EDC4: variants seen among roughly 807,000 people sequenced by gnomAD.
EDC4 encodes enhancer of mRNA-decapping protein 4.
EDC4 carries 64 observed loss-of-function variants against 155.8 expected under a neutral mutation model. The observed-to-expected ratio is 0.41, with a 90% CI of 0.34 to 0.51. EDC4 has a LOEUF of 0.51. Ranked by LOEUF, EDC4 falls within the 20% of genes least tolerant of loss-of-function variation. EDC4 has a pLI of 0.19. For missense variants in EDC4, 1,303 were observed against 1,812.5 expected (o/e 0.72, Z 5.10); for synonymous variants, 684 against 716.8 (o/e 0.95, Z 0.73).
Position 67,881,039 on chromosome 16 carries a change from T to TA in EDC4, c.2532-36dup, listed in dbSNP as rs752463062. 3 of 1,613,902 alleles carry TA rather than the reference T, an allele frequency of 1.9e-6. No homozygotes were observed. The highest frequency in any genetic ancestry group is 2.5e-6 in the Non-Finnish European group (3 of 1,179,986). ...GTGTGCTAGCAGGAGGGGCTTCAGA[T>TA]AGATTCATCCATGGCTAAGTTGGCC... On this transcript the variant is annotated intron_variant, in intron 18 of 28. Transcript: ENST00000358933. The surrounding 1 kb of genome is among the most constrained non-coding windows in gnomAD (Gnocchi z 5.4).
At chr16:67,874,869 G>GC (rs2058035533) in intron 1 of EDC4, among the ~76,000 whole-genome samples, 3 of 152,084 alleles carry the variant, frequency 2.0e-5, no homozygotes, top group Non-Finnish European at 4.4e-5. Context: ...ATTGCTTGAG[G>GC]CCAGGAGTTC....
Position 67,878,288 on chromosome 16 carries a change from C to T in EDC4, c.1004+13C>T. On this transcript the variant is annotated intron_variant, in intron 8 of 28. Coordinates refer to ENST00000358933, the MANE Select transcript of EDC4 (RefSeq NM_014329.5). The surrounding 1 kb of genome is among the most constrained non-coding windows in gnomAD (Gnocchi z 5.2). ...AAGATGAGCCAAGGTAAGGCAGGGC[C>T]TCAGGGACCAGGATCCTCCCGAGGT... 1 of 1,614,180 alleles carries T rather than the reference C, an allele frequency of 6.2e-7. No homozygotes were observed. The highest frequency in any genetic ancestry group is 1.1e-5 in the South Asian group (1 of 91,086).
In EDC4 at chr16:67,879,513, G is replaced by A. The variant is rs760942338; in HGVS notation, c.1633+10G>A. The A allele has an allele frequency of 4.3e-6, 7 of 1,614,012 alleles. No homozygotes were observed. The highest frequency in any genetic ancestry group is 5.1e-6 in the Non-Finnish European group (6 of 1,180,012). On this transcript the variant is annotated intron_variant, in intron 14 of 28. Coordinates refer to ENST00000358933, the MANE Select transcript of EDC4 (RefSeq NM_014329.5). This position sits in a 1 kb window ranked among gnomAD's most constrained non-coding sequence, Gnocchi z 6.0. ...GCCCACGAGGACTTCAGTGAGTAGG[G>A]CGTGAGAGGGAGGTAGGGTAAGTTG...
chr16:67,879,002 G>T lies in EDC4; in HGVS notation c.1333G>T (p.Ala445Ser). The T allele has an allele frequency of 1.2e-6, 2 of 1,612,064 alleles. No homozygotes were observed. The highest frequency in any genetic ancestry group is 1.7e-6 in the Non-Finnish European group (2 of 1,179,730). The change falls in exon 12 of 29, where the codon GCC becomes TCC. Residue 445 changes from alanine to serine, a missense_variant. Ala to Ser is a moderately conservative substitution (Grantham distance 99). Around this residue, in one of 5 missense-constraint regions of EDC4, gnomAD observed 235 missense variants for 367.7 expected, o/e 0.64. Transcript: ENST00000358933. The surrounding 1 kb of genome is among the most constrained non-coding windows in gnomAD (Gnocchi z 6.0). Reference sequence around the variant, plus strand: ...GCTGCAAAACCAGGAGGAGGGCCACGCCTGCTTCAGCTCCATCTCGGAGTT... The same window carrying T: ...GCTGCAAAACCAGGAGGAGGGCCACTCCTGCTTCAGCTCCATCTCGGAGTT... Reference protein sequence around the residue: ...ELLQNQEEGHACFSSISEFLL... With the variant: ...ELLQNQEEGHSCFSSISEFLL...
rs1243221385 is a variant in EDC4, at chr16:67,884,405, G to C, written c.*257G>C. 5.5e-6 allele frequency: 3 copies of C among 546,962 alleles called. No individual in the cohort carries two copies. Among genetic ancestry groups the C allele is most frequent in the Non-Finnish European group, 9.6e-6 (3 of 311,940 alleles). The allele number at this position is 546,962 out of a possible 1,614,324, so 33.9% of individuals were successfully genotyped here. On this transcript the variant is annotated 3_prime_UTR_variant, in exon 29 of 29. Coordinates refer to ENST00000358933, the MANE Select transcript of EDC4 (RefSeq NM_014329.5). The surrounding 1 kb of genome is among the most constrained non-coding windows in gnomAD (Gnocchi z 4.1). ...TGACCCTGAGATCGTGACACCACTT[G>C]AGTGGAATTTTCCATGTTCCTTTTT...
In EDC4 at chr16:67,876,025, T is replaced by G. The variant is rs752568415; in HGVS notation, c.163T>G (p.Ser55Ala). 1 of 1,614,176 alleles carries G rather than the reference T, an allele frequency of 6.2e-7. No individual in the cohort carries two copies. Among genetic ancestry groups the G allele is most frequent in the South Asian group, 1.1e-5 (1 of 91,082 alleles). The change falls in exon 2 of 29, where the codon TCA (serine) becomes GCA (alanine). Residue 55 changes from serine (S) to alanine (A), a missense_variant. Ser to Ala is a moderately conservative substitution (Grantham distance 99). Transcript: ENST00000358933. The surrounding 1 kb of genome is among the most constrained non-coding windows in gnomAD (Gnocchi z 5.8). ...NGLLVPDPLC[S>A]GDSTSANKTG... ...ACTTCTGGTCCCAGACCCGCTCTGC[T>G]CAGGTGATAGTACCTCAGCAAACAA...
rs1277361471 is a variant in EDC4 at position 67,878,152 on chromosome 16, T to G, written c.895-14T>G. The G allele has an allele frequency of 1.4e-5, 23 of 1,614,050 alleles. No individual in the cohort carries two copies. The highest frequency in any genetic ancestry group is 1.8e-5 in the Non-Finnish European group (21 of 1,180,038). On this transcript the variant is annotated splice_polypyrimidine_tract_variant and intron_variant, in intron 7 of 28. Transcript: ENST00000358933. This position sits in a 1 kb window ranked among gnomAD's most constrained non-coding sequence, Gnocchi z 5.2. ...CTCACCTCTAGTCAGCAAAGCTTTTTGGGTTCTTTCTAGTGCCTCAGTGAA... is the reference window on the plus strand; with the variant it reads ...CTCACCTCTAGTCAGCAAAGCTTTTGGGGTTCTTTCTAGTGCCTCAGTGAA...
At chr16:67,875,236 A>T (rs1250979391) in intron 1 of EDC4, among the ~76,000 whole-genome samples, 3 of 152,174 alleles carry the variant, frequency 2.0e-5, no homozygotes, top group Admixed American at 6.5e-5. Flanking sequence ...CTTTTGGTCC[A>T]GCTCCTTTAT....
In EDC4 at chr16:67,878,440, CTGAG is replaced by C; in HGVS notation, c.1088+8_1088+11del. 4.3e-6 allele frequency: 7 copies of C among 1,614,176 alleles called. No individual in the cohort carries two copies. Among genetic ancestry groups the C allele is most frequent in the Non-Finnish European group, 5.9e-6 (7 of 1,180,030 alleles). On this transcript the variant is annotated splice_donor_variant and coding_sequence_variant, in exon 9 of 29. Coordinates refer to ENST00000358933, the MANE Select transcript of EDC4 (RefSeq NM_014329.5). LOFTEE classifies it high-confidence loss of function. This position sits in a 1 kb window ranked among gnomAD's most constrained non-coding sequence, Gnocchi z 5.2. The stretch of plus-strand genomic sequence containing the variant: ...TGTGACAACCATAAGAAACAAGACC[CTGAG>C]TGAGTGAGTGGGCAGCCTAGTGGGT...
At position 67,883,603 on chromosome 16, in the gene EDC4, T is replaced by C. The variant is rs775696548; in HGVS notation, c.3885T>C (p.Tyr1295=). ...LTAADLNLVL[Y]VCETVDPAQV... The stretch of plus-strand genomic sequence containing the variant: ...CTGCTGACCTGAACCTGGTGCTGTA[T>C]GTGTGTGAAACTGTGGACCCAGCCC... The change falls in exon 28 of 29, where the codon TAT becomes TAC. Residue 1295 remains tyrosine, a synonymous_variant. Coordinates refer to ENST00000358933, the MANE Select transcript of EDC4 (RefSeq NM_014329.5). The surrounding 1 kb of genome is among the most constrained non-coding windows in gnomAD (Gnocchi z 5.3). 1 of 1,614,128 alleles carries C rather than the reference T, an allele frequency of 6.2e-7. No individual in the cohort carries two copies. Among genetic ancestry groups the C allele is most frequent in the Admixed American group, 1.7e-5 (1 of 60,028 alleles).
Position 67,876,598 on chromosome 16 carries a change from A to G in EDC4, c.350A>G (p.Lys117Arg), listed in dbSNP as rs775563257. Residue 117 changes from lysine (K) to arginine (R), a missense_variant and splice_region_variant, in exon 3 of 29, where the codon AAG becomes AGG. By Grantham distance (26) the Lys-to-Arg change is conservative (BLOSUM62 2). Around this residue, in one of 5 missense-constraint regions of EDC4, gnomAD observed 51 missense variants for 121.1 expected, o/e 0.42. Transcript: ENST00000358933. This position sits in a 1 kb window ranked among gnomAD's most constrained non-coding sequence, Gnocchi z 5.8. ...TCAAGCAAGGCCCGGGGAAGCAACA[A>G]GGTAGGTACTGGGATGCTGTGGCAT... ...SISSKARGSN[K>R]VKIQPVAKYD... The G allele has an allele frequency of 3.1e-6, 5 of 1,614,048 alleles. No individual in the cohort carries two copies. The highest frequency in any genetic ancestry group is 2.2e-5 in the South Asian group (2 of 91,074).
At position 67,878,707 on chromosome 16, in the gene EDC4, G is replaced by T. The variant is rs2058052124; in HGVS notation, c.1185-30G>T. The T allele has an allele frequency of 6.2e-7, 1 of 1,614,140 alleles. No individual in the cohort carries two copies. On this transcript the variant is annotated intron_variant, in intron 10 of 28. Transcript: ENST00000358933. The surrounding 1 kb of genome is among the most constrained non-coding windows in gnomAD (Gnocchi z 5.2). ...GAATGTAGCTTCCTTCAGTTCTCAG[G>T]CTCATTCACTCTGCTTTGTGGCTCT...
chr16:67,880,154 G>A lies in EDC4; in HGVS notation c.2035G>A (p.Gly679Ser). The change falls in exon 17 of 29, where the codon GGC (glycine) becomes AGC (serine). Residue 679 changes from glycine to serine, a missense_variant. Gly to Ser is a moderately conservative substitution (Grantham distance 56). Around this residue, in one of 5 missense-constraint regions of EDC4, gnomAD observed 391 missense variants for 445.4 expected, o/e 0.88. Transcript: ENST00000358933. The surrounding 1 kb of genome is among the most constrained non-coding windows in gnomAD (Gnocchi z 5.2). ...TGGCAGCCTTCAGGCAAGCCCGCGT[G>A]GCCTCCTGCCTGGCCTGCTCCCAGC... ...SSGSLQASPR[G>S]LLPGLLPAPA... The A allele has an allele frequency of 6.2e-7, 1 of 1,612,916 alleles. No homozygotes were observed. Among genetic ancestry groups the A allele is most frequent in the Non-Finnish European group, 8.5e-7 (1 of 1,179,840 alleles).
Position 67,883,137 on chromosome 16 carries a change from A to G in EDC4, c.3809A>G (p.Gln1270Arg), listed in dbSNP as rs1219863828. The change falls in exon 27 of 29, where the codon CAG becomes CGG. Residue 1270 changes from glutamine to arginine, a missense_variant. Physicochemically the swap from Gln to Arg is conservative, Grantham distance 43. Coordinates refer to ENST00000358933, the MANE Select transcript of EDC4 (RefSeq NM_014329.5). The surrounding 1 kb of genome is among the most constrained non-coding windows in gnomAD (Gnocchi z 5.3). ...CAGGCCCAGCAAGCCCATATCCTGC[A>G]GCTGCTGCAGCAGGGCCACCTCAAT... ...DCQAQQAHIL[Q>R]LLQQGHLNQA... is the part of the protein sequence containing the mutation. 6.2e-7 allele frequency: 1 copy of G among 1,601,930 alleles called. No homozygotes were observed. The highest frequency in any genetic ancestry group is 1.7e-5 in the Admixed American group (1 of 58,112).
Position 67,883,089 on chromosome 16 carries a change from T to C in EDC4, c.3761T>C (p.Val1254Ala), listed in dbSNP as rs2058076916. Residue 1254 changes from valine (V) to alanine (A), a missense_variant, in exon 27 of 29, where the codon GTC becomes GCC. Physicochemically the swap from Val to Ala is moderately conservative, Grantham distance 64. Around this residue, in one of 5 missense-constraint regions of EDC4, gnomAD observed 527 missense variants for 757.0 expected, o/e 0.70. Transcript: ENST00000358933. The surrounding 1 kb of genome is among the most constrained non-coding windows in gnomAD (Gnocchi z 5.3). ...ATGCGCTCAGCTGCTGGCACACCTGTCCCCTCTGCCCACCTTGACTGCCAG... is the reference window on the plus strand; with the variant it reads ...ATGCGCTCAGCTGCTGGCACACCTGCCCCCTCTGCCCACCTTGACTGCCAG... ...QAMRSAAGTP[V>A]PSAHLDCQAQ... The C allele has an allele frequency of 6.2e-7, 1 of 1,612,266 alleles. No individual in the cohort carries two copies. Among genetic ancestry groups the C allele is most frequent in the Non-Finnish European group, 8.5e-7 (1 of 1,179,740 alleles).
Position 67,880,747 on chromosome 16 carries a change from G to C in EDC4, c.2288G>C (p.Gly763Ala). ...SRGFGSSAPE[G>A]LEPDSMASAA... ...GGTTTTGGCTCCTCTGCACCAGAGG[G>C]CCTTGAGCCAGACAGTATGGCTTCA... Residue 763 changes from glycine to alanine, a missense_variant, in exon 18 of 29, where the codon GGC becomes GCC. This residue lies in a region of EDC4 where 391 missense variants were observed against 445.4 expected (regional missense o/e 0.88). Transcript: ENST00000358933. This position sits in a 1 kb window ranked among gnomAD's most constrained non-coding sequence, Gnocchi z 5.2. 6.2e-7 allele frequency: 1 copy of C among 1,614,194 alleles called. No individual in the cohort carries two copies. Among genetic ancestry groups the C allele is most frequent in the South Asian group, 1.1e-5 (1 of 91,090 alleles).
Position 67,878,776 on chromosome 16 carries a change from T to C in EDC4, c.1224T>C (p.Pro408=), listed in dbSNP as rs780754033. The change falls in exon 11 of 29, where the codon CCT becomes CCC. Residue 408 remains proline, a synonymous_variant. Transcript: ENST00000358933. This position sits in a 1 kb window ranked among gnomAD's most constrained non-coding sequence, Gnocchi z 5.2. ...TCTTCAGCTCAGTGAGTGTGCCCCC[T>C]AGCCTCAAGGTTTGCTTGGACCTCT... is the stretch of plus-strand genomic sequence containing the variant. ...PDIFSSVSVP[P]SLKVCLDLSA... is the part of the protein sequence containing the mutation. The C allele has an allele frequency of 3.1e-6, 5 of 1,614,040 alleles. No individual in the cohort carries two copies. The highest frequency in any genetic ancestry group is 4.2e-6 in the Non-Finnish European group (5 of 1,180,034).
chr16:67,882,674 C>T lies in EDC4; in HGVS notation c.3443-5C>T, dbSNP rs574231598. ...CCTCTTATAGTCCCTGTGGTCACCC[C>T]TCAGACTTGCAGCAGCTAGAAAGCC... On this transcript the variant is annotated splice_region_variant and splice_polypyrimidine_tract_variant and intron_variant, in intron 25 of 28. Transcript: ENST00000358933. This position sits in a 1 kb window ranked among gnomAD's most constrained non-coding sequence, Gnocchi z 7.2. The T allele has an allele frequency of 2.4e-5, 38 of 1,614,118 alleles. No homozygotes were observed. Among genetic ancestry groups the T allele is most frequent in the Non-Finnish European group, 3.2e-5 (38 of 1,180,048 alleles).
In EDC4 at chr16:67,880,276, G is replaced by A. The variant is rs771959597; in HGVS notation, c.2097+60G>A. On this transcript the variant is annotated intron_variant, in intron 17 of 28. Coordinates refer to ENST00000358933, the MANE Select transcript of EDC4 (RefSeq NM_014329.5). This position sits in a 1 kb window ranked among gnomAD's most constrained non-coding sequence, Gnocchi z 5.2. ...GCAGGTGGGCAGCAGCAGGGAAGGT[G>A]GGTGGTGGGCTCCTCCCAGCCCCCT... is the stretch of plus-strand genomic sequence containing the variant. The A allele has an allele frequency of 1.3e-6, 2 of 1,538,180 alleles. No homozygotes were observed. Among genetic ancestry groups the A allele is most frequent in the South Asian group, 1.2e-5 (1 of 81,718 alleles).
Sources: allele counts gnomAD v4.1 joint callset (sites outside exome capture counted in the v4.1 genomes callset), GRCh38; gene constraint gnomAD v4.1.1; regional missense constraint gnomAD v4.1.1; non-coding constraint Gnocchi (gnomAD v3.1); transcripts MANE v1.5; gene names NCBI Gene and HGNC (gene_info 2026-07-23, HGNC 2026-07-21).